The following EDIL3 variants were observed in gnomAD, a reference collection of about 807,000 sequenced individuals.
The protein encoded by EDIL3 is EGF like and discoidin domains 3.
In EDIL3, 37 loss-of-function variants were observed where a neutral mutation model predicts 67.4. That is an observed-to-expected ratio of 0.55 (90% confidence interval 0.42 to 0.72). The LOEUF (loss-of-function observed/expected upper bound fraction) is 0.72, where lower values mean the gene tolerates loss of function less well. Ranked by LOEUF, EDIL3 falls within the 30% of genes least tolerant of loss-of-function variation. EDIL3 has a pLI of 0.00. For synonymous variants in EDIL3, 195 were observed against 196.3 expected (o/e 0.99, Z 0.05); for missense variants, 527 against 586.3 (o/e 0.90, Z 1.04).
intron 10 of EDIL3, among the ~76,000 whole-genome samples, chr5:83,951,868 G>A (rs1180411632): frequency 6.6e-6 from 1 of 151,634 alleles, no homozygotes; most frequent in Non-Finnish European, 1.5e-5. Context: ...ATGGGATTAG[G>A]GAATCCTATT....
chr5:84,190,462 A>G (rs927614467), intron 3 of EDIL3, among the ~76,000 whole-genome samples: 3 of 151,718 alleles, frequency 2.0e-5, no homozygotes, highest in African/African-American at 7.3e-5. Flanking sequence ...ATTAGCTACC[A>G]TAGTTTGTTT....
intron 9 of EDIL3, among the ~76,000 whole-genome samples, chr5:84,045,738 A>C (rs1746209805): frequency 6.6e-6 from 1 of 152,222 alleles, no homozygotes; most frequent in Admixed American, 6.5e-5. Flanking sequence ...TAGACATTTG[A>C]AAGTCACTTC....
At chr5:84,070,208 C>T (rs1026209983) in intron 6 of EDIL3, among the ~76,000 whole-genome samples, 4 of 152,128 alleles carry the variant, frequency 2.6e-5, no homozygotes, top group South Asian at 2.1e-4. Context: ...CTGATTTTTC[C>T]GGTACACCAA....
chr5:84,296,103 C>G (rs796411660), intron 1 of EDIL3, among the ~76,000 whole-genome samples: 35 of 152,278 alleles, frequency 2.3e-4, no homozygotes, highest in African/African-American at 7.7e-4. Flanking sequence ...AACTTTGTAT[C>G]TGACACATAG....
intron 9 of EDIL3, among the ~76,000 whole-genome samples, chr5:83,971,176 G>A (rs753829891): frequency 2.1e-4 from 31 of 151,200 alleles, no homozygotes; most frequent in Non-Finnish European, 3.4e-4. Flanking sequence ...ATATATTTCA[G>A]GGAAATTGGA....
intron 9 of EDIL3, among the ~76,000 whole-genome samples, chr5:84,029,761 A>G (rs1745883263): frequency 6.6e-6 from 1 of 152,202 alleles, no homozygotes; most frequent in African/African-American, 2.4e-5. Flanking sequence ...AGGCAGGGAC[A>G]TCCTCACAGG....
chr5:84,264,200 T>C (rs972201415), intron 1 of EDIL3, among the ~76,000 whole-genome samples: 7 of 152,152 alleles, frequency 4.6e-5, no homozygotes, highest in Non-Finnish European at 7.4e-5. Flanking sequence ...GAGCCGAGAC[T>C]GTGCATCTGC....
At chr5:84,266,910 G>A (rs1360715623) in intron 1 of EDIL3, among the ~76,000 whole-genome samples, 3 of 152,034 alleles carry the variant, frequency 2.0e-5, no homozygotes, top group Admixed American at 2.0e-4. Flanking sequence ...CCTTCACTAT[G>A]TACCAAAAAT....
intron 2 of EDIL3, among the ~76,000 whole-genome samples, chr5:84,249,479 A>C (rs565056882): frequency 5.7e-4 from 85 of 149,766 alleles, no homozygotes; most frequent in Non-Finnish European, 1.0e-3. Context: ...GTCTGTATGT[A>C]TGTCTGTCTG....
Position 84,222,774 on chromosome 5 carries a change from G to A in EDIL3, c.226+7081C>T, listed in dbSNP as rs549917030. 3.8e-4 allele frequency among the ~76,000 whole-genome samples: 31 copies of A among 80,576 alleles called. No individual in the cohort carries two copies. In the East Asian group the frequency reaches 0.012, roughly 31 times the overall value. 52.9% of individuals were successfully genotyped at this position (80,576 alleles called of 152,430 possible). On this transcript the variant is annotated intron_variant, in intron 3 of 10. Transcript: ENST00000296591. ...TCATACATCTATTCGCCATTCTCAT[G>A]TCTTCTAGAGAAATGTCTATTCAGG...
chr5:83,963,359 ACCTT>A lies in EDIL3; in HGVS notation c.1138-3_1138del. On this transcript the variant is annotated splice_acceptor_variant and splice_polypyrimidine_tract_variant and coding_sequence_variant and intron_variant, in exon 10 of 11. Coordinates refer to ENST00000296591, the MANE Select transcript of EDIL3 (RefSeq NM_005711.5). LOFTEE classifies it high-confidence loss of function. ...CACTTTGGTTGGAACAAGAAGATCC[ACCTT>A]AAAAAAAAGAAAAATACAGGCTTTA... 6.3e-7 allele frequency: 1 copy of A among 1,590,708 alleles called. No homozygotes were observed. Among genetic ancestry groups the A allele is most frequent in the Non-Finnish European group, 8.5e-7 (1 of 1,172,184 alleles).
intron 2 of EDIL3, among the ~76,000 whole-genome samples, chr5:84,251,938 A>T (rs1450431231): frequency 6.6e-6 from 1 of 152,186 alleles, no homozygotes; most frequent in East Asian, 1.9e-4. Flanking sequence ...ATGTATAATT[A>T]AAAAATATAG....
At chr5:84,323,454 A>G (rs1746688604) in intron 1 of EDIL3, among the ~76,000 whole-genome samples, 2 of 152,030 alleles carry the variant, frequency 1.3e-5, no homozygotes, top group Non-Finnish European at 1.5e-5. Context: ...AAATGTTTCA[A>G]TATAAAAAAT....
chr5:84,068,140 G>C (rs182827360), intron 6 of EDIL3, among the ~76,000 whole-genome samples: 3 of 152,238 alleles, frequency 2.0e-5, no homozygotes, highest in East Asian at 3.9e-4. Context: ...ACTTGAAAGA[G>C]GGAATGTTTG....
In EDIL3 at chr5:83,958,743, T is replaced by A. The variant is rs150988530; in HGVS notation, c.1293+4462A>T. Among the ~76,000 whole-genome samples, 522 of 151,490 alleles carry A rather than the reference T, an allele frequency of 3.4e-3. 5 individuals carry two copies. Among genetic ancestry groups the A allele is most frequent in the African/African-American group, 0.011 (458 of 41,458 alleles). ...TTACTTTGGCTTATAACCTGAAAAA[T>A]TAAATACTGAAAGTGTTTGTCAAGT... On this transcript the variant is annotated intron_variant, in intron 10 of 10. Transcript: ENST00000296591.
At chr5:84,069,270 C>A (rs1281873730) in intron 6 of EDIL3, among the ~76,000 whole-genome samples, 1 of 151,878 alleles carries the variant, frequency 6.6e-6, no homozygotes, top group Non-Finnish European at 1.5e-5. Flanking sequence ...TGGTAGCCTC[C>A]TACATTAATA....
chr5:83,999,241 G>A (rs532174570), intron 9 of EDIL3, among the ~76,000 whole-genome samples: 11 of 152,168 alleles, frequency 7.2e-5, no homozygotes, highest in African/African-American at 2.6e-4. Flanking sequence ...CCCAGAAATC[G>A]ATGAACATCC....
intron 3 of EDIL3, among the ~76,000 whole-genome samples, chr5:84,201,624 A>G (rs1315986103): frequency 1.3e-5 from 2 of 152,106 alleles, no homozygotes; most frequent in African/African-American, 4.8e-5. Context: ...TATTTGTGCA[A>G]GGCTGATTTG....
At chr5:84,101,743 A>G (rs1334115790) in intron 6 of EDIL3, among the ~76,000 whole-genome samples, 1 of 152,092 alleles carries the variant, frequency 6.6e-6, no homozygotes, top group African/African-American at 2.4e-5. Context: ...CCAGATATAC[A>G]AAGAAGAGCT....
Sources: gnomAD v4.1 joint callset for allele counts (sites outside exome capture counted in the v4.1 genomes callset) on GRCh38, gnomAD v4.1.1 for gene constraint, MANE v1.5 for transcripts, NCBI Gene and HGNC (gene_info 2026-07-23, HGNC 2026-07-21) for gene names.